PDE1C: variants seen among roughly 807,000 people sequenced by gnomAD.
PDE1C encodes the protein dual specificity calcium/calmodulin-dependent 3',5'-cyclic nucleotide phosphodiesterase 1C.
PDE1C carries 62 observed loss-of-function variants against 93.1 expected under a neutral mutation model. The ratio of observed to expected loss-of-function variants is 0.67; its 90% CI spans 0.54 to 0.82. The LOEUF (loss-of-function observed/expected upper bound fraction) is 0.82, where lower values mean the gene tolerates loss of function less well. Ranked by LOEUF, PDE1C falls within the 40% of genes least tolerant of loss-of-function variation. The probability of loss-of-function intolerance (pLI) is 0.00; values close to 1 mark genes in which losing one functional copy is unlikely to be tolerated. For synonymous variants in PDE1C, 325 were observed against 310.1 expected (o/e 1.05, Z -0.50); for missense variants, 742 against 884.6 (o/e 0.84, Z 2.04).
At chr7:32,164,890 T>TA (rs776459738) in intron 3 of PDE1C, among the ~76,000 whole-genome samples, 5 of 152,188 alleles carry the variant, frequency 3.3e-5, no homozygotes, top group Non-Finnish European at 5.9e-5. Flanking sequence ...CTGTCTTCCT[T>TA]AGCCCCAGGT....
chr7:31,629,145 A>G, the PDE1C span, among the ~76,000 whole-genome samples: 7 of 152,338 alleles, frequency 4.6e-5, no homozygotes, highest in East Asian at 1.3e-3. Context: ...CTGGATCTAA[A>G]TTAAAATTTG....
intron 9 of PDE1C, among the ~76,000 whole-genome samples, chr7:31,839,829 G>C (rs945712023): frequency 2.0e-5 from 3 of 152,210 alleles, no homozygotes; most frequent in Non-Finnish European, 4.4e-5. Flanking sequence ...CTGAGGTCAG[G>C]AGTTCGAGAC....
the PDE1C span, among the ~76,000 whole-genome samples, chr7:31,673,839 C>T: frequency 2.6e-5 from 4 of 151,968 alleles, no homozygotes; most frequent in East Asian, 1.9e-4. Flanking sequence ...AATATCAGAG[C>T]GTGAATTTTA....
At chr7:31,645,941 A>G in the PDE1C span, among the ~76,000 whole-genome samples, 7 of 152,142 alleles carry the variant, frequency 4.6e-5, no homozygotes, top group African/African-American at 1.7e-4. Flanking sequence ...TGTAAGGGGA[A>G]AATGTTAGGG....
chr7:32,157,890 A>T (rs1194487055), intron 3 of PDE1C, among the ~76,000 whole-genome samples: 3 of 152,234 alleles, frequency 2.0e-5, no homozygotes, highest in Non-Finnish European at 4.4e-5. Context: ...ATATTATTTT[A>T]AAAAACAAAT....
intron 1 of PDE1C, among the ~76,000 whole-genome samples, chr7:32,217,245 CTA>C: frequency 6.6e-6 from 1 of 152,292 alleles, no homozygotes; most frequent in Admixed American, 6.5e-5. Context: ...AAAACAGCCC[CTA>C]TGAGGCAAAT....
At chr7:31,898,020 T>TTGTG (rs140101637) in intron 2 of PDE1C, among the ~76,000 whole-genome samples, 3,037 of 145,978 alleles carry the variant, frequency 0.021, 38 homozygotes, top group Middle Eastern at 0.066. Flanking sequence ...TTTGGTTTCT[T>TTGTG]TGTGTGTGTG....
intron 1 of PDE1C, among the ~76,000 whole-genome samples, chr7:32,328,835 G>A (rs929194559): frequency 1.3e-5 from 2 of 152,176 alleles, no homozygotes; most frequent in Non-Finnish European, 1.5e-5. Context: ...CTATTAGATT[G>A]TGTGGTCCAC....
At chr7:32,000,883 G>A (rs1024417681) in intron 2 of PDE1C, among the ~76,000 whole-genome samples, 2 of 152,100 alleles carry the variant, frequency 1.3e-5, no homozygotes, top group Non-Finnish European at 2.9e-5. Flanking sequence ...TATTTTCACA[G>A]GACATAATTT....
chr7:32,027,155 T>C (rs1789545422), intron 2 of PDE1C, among the ~76,000 whole-genome samples: 1 of 152,128 alleles, frequency 6.6e-6, no homozygotes, highest in African/African-American at 2.4e-5. Context: ...TCATAATACA[T>C]ACTCTGAACT....
the PDE1C span, among the ~76,000 whole-genome samples, chr7:31,725,466 T>G: frequency 2.0e-5 from 3 of 152,216 alleles, no homozygotes; most frequent in South Asian, 6.2e-4. Context: ...GAGCTACAAC[T>G]GAGAACTTCC....
chr7:32,367,440 AATT>A (rs1386969310), intron 1 of PDE1C, among the ~76,000 whole-genome samples: 1 of 152,256 alleles, frequency 6.6e-6, no homozygotes, highest in Non-Finnish European at 1.5e-5. Flanking sequence ...AAACAGATGA[AATT>A]CACCTTTTAA....
intron 2 of PDE1C, among the ~76,000 whole-genome samples, chr7:31,960,780 C>G (rs1374564712): frequency 6.6e-6 from 1 of 152,090 alleles, no homozygotes; most frequent in Non-Finnish European, 1.5e-5. Flanking sequence ...TAAATAAAAT[C>G]TAAATGTCTA....
chr7:31,717,442 A>G, the PDE1C span, among the ~76,000 whole-genome samples: 2 of 152,306 alleles, frequency 1.3e-5, no homozygotes, highest in South Asian at 4.1e-4. Flanking sequence ...GAGCCAAGCC[A>G]GAGTGTGTGA....
chr7:31,884,813 T>C (rs756544240), intron 2 of PDE1C, among the ~76,000 whole-genome samples: 2 of 152,232 alleles, frequency 1.3e-5, no homozygotes, highest in African/African-American at 2.4e-5. Flanking sequence ...TTTAAGTTCA[T>C]GAGAATAAGG....
intron 6 of PDE1C, among the ~76,000 whole-genome samples, chr7:31,866,622 T>C (rs1270254213): frequency 1.3e-5 from 2 of 152,190 alleles, no homozygotes; most frequent in Non-Finnish European, 2.9e-5. Context: ...TATAGGCATC[T>C]GGCACTCACC....
chr7:31,860,565 C>T (rs193234347), intron 7 of PDE1C, among the ~76,000 whole-genome samples: 1 of 152,230 alleles, frequency 6.6e-6, no homozygotes, highest in Admixed American at 6.5e-5. Flanking sequence ...CCTGCTCATA[C>T]TGTTTGACTG....
At position 32,420,156 on chromosome 7, in the gene PDE1C, CACAT is replaced by C. The variant is rs1455935136; in HGVS notation, c.310+7662_310+7665del. 8.3e-5 allele frequency among the ~76,000 whole-genome samples: 4 copies of C among 48,212 alleles called. 1 individual carries two copies. The highest frequency in any genetic ancestry group is 2.1e-4 in the African/African-American group (3 of 14,516). The allele number at this position is 48,212 out of a possible 152,430, so 31.6% of individuals were successfully genotyped here. A position where few individuals can be genotyped will look rare whatever the true frequency, so the allele number is the denominator to read the frequency against. On this transcript the variant is annotated intron_variant, in intron 1 of 1. Coordinates refer to the PDE1C transcript ENST00000672256. ...ACACACACACACACACACACACACA[CACAT>C]ATATATGTGTATATATATACACATA...
chr7:31,691,797 T>TAA, the PDE1C span, among the ~76,000 whole-genome samples: 22,282 of 86,078 alleles, frequency 0.26, 3,097 homozygotes, highest in Non-Finnish European at 0.36. Context: ...ATGTAATGAT[T>TAA]AAAAAAAAAA....
Sources: gnomAD v4.1 joint callset for allele counts (sites outside exome capture counted in the v4.1 genomes callset) on GRCh38, gnomAD v4.1.1 for gene constraint, MANE v1.5 for transcripts, NCBI Gene and HGNC (gene_info 2026-07-23, HGNC 2026-07-21) for gene names.